Variants in STIM1 observed in about 807,000 individuals in gnomAD.
STIM1 encodes stromal interaction molecule 1.
In STIM1, 25 loss-of-function variants were observed where a neutral mutation model predicts 74.7. The ratio of observed to expected loss-of-function variants is 0.33; its 90% CI spans 0.24 to 0.47. The LOEUF (loss-of-function observed/expected upper bound fraction) is 0.47. Ranked by LOEUF, STIM1 falls within the 20% of genes least tolerant of loss-of-function variation. The pLI is 1.00. For missense variants in STIM1, 728 were observed against 920.8 expected (o/e 0.79, Z 2.71); for synonymous variants, 328 against 348.8 (o/e 0.94, Z 0.66).
chr11:4,027,746 A>G (rs1159234842), intron 3 of STIM1, among the ~76,000 whole-genome samples: 1 of 152,182 alleles, frequency 6.6e-6, no homozygotes, highest in Non-Finnish European at 1.5e-5. Flanking sequence ...ACAGATTTAA[A>G]TAGGGTGTTG....
At chr11:3,918,724 G>GGT (rs770857409) in intron 1 of STIM1, among the ~76,000 whole-genome samples, 2 of 152,056 alleles carry the variant, frequency 1.3e-5, no homozygotes, top group Non-Finnish European at 2.9e-5. Flanking sequence ...GGAACCCAGG[G>GGT]GTCAGGGTCA....
rs181906329 is a variant in STIM1 at position 3,892,778 on chromosome 11, C to T, written c.139+36369C>T. 5.1e-3 allele frequency: 8,151 copies of T among 1,613,044 alleles called. 24 individuals are homozygous for T. The highest frequency in any genetic ancestry group is 5.9e-3 in the Non-Finnish European group (6,940 of 1,178,972). ...TCCTTTCTCTCCAGTGCTCAGAGCA[C>T]GAAAGTTTTCTGCTGTCTTTGGAAC... On this transcript the variant is annotated intron_variant, in intron 1 of 12. Coordinates refer to ENST00000526596, the MANE Select transcript of STIM1 (RefSeq NM_001382567.1).
chr11:3,901,049 G>A (rs1294286439), intron 1 of STIM1, among the ~76,000 whole-genome samples: 1 of 152,152 alleles, frequency 6.6e-6, no homozygotes, highest in Non-Finnish European at 1.5e-5. Flanking sequence ...AAATTAGCCG[G>A]GCATGGTGGT....
chr11:3,991,950 CAAAAAAAAAAAAAAA>C (rs1230185435), intron 2 of STIM1, among the ~76,000 whole-genome samples: 4 of 36,702 alleles, frequency 1.1e-4, no homozygotes, highest in Non-Finnish European at 1.8e-4. Flanking sequence ...AACTCCATCT[CAAAAAAAAAAAAAAA>C]AAAAAAAGAA....
intron 1 of STIM1, chr11:3,888,112 G>A (rs1258869716): frequency 6.6e-6 from 1 of 152,376 alleles, no homozygotes; most frequent in Non-Finnish European, 1.5e-5. Context: ...GATGAAGCCT[G>A]GGAGGTGCCA....
At position 4,055,646 on chromosome 11, in the gene STIM1, G is replaced by C; in HGVS notation, c.497+9G>C. On this transcript the variant is annotated intron_variant, in intron 4 of 12. Coordinates refer to ENST00000526596, the MANE Select transcript of STIM1 (RefSeq NM_001382567.1). ...GGCCATGCCATGCCAAGGTCAGGAG[G>C]GGACTGGGTTTTTCTCTGTTGAGGG... The C allele has an allele frequency of 6.4e-7, 1 of 1,569,156 alleles. No homozygotes were observed. Among genetic ancestry groups the C allele is most frequent in the South Asian group, 1.2e-5 (1 of 85,436 alleles).
chr11:3,992,677 G>A (rs2093627333), intron 2 of STIM1, among the ~76,000 whole-genome samples: 1 of 152,136 alleles, frequency 6.6e-6, no homozygotes, highest in Non-Finnish European at 1.5e-5. Context: ...TTGAGGTCAT[G>A]TCTGAGAAAC....
chr11:4,040,358 ATGT>A (rs1479340814), intron 3 of STIM1, among the ~76,000 whole-genome samples: 1 of 152,140 alleles, frequency 6.6e-6, no homozygotes, highest in African/African-American at 2.4e-5. Context: ...TTCCTAGGAA[ATGT>A]TGTTCTTTTT....
chr11:4,023,484 G>C (rs2093974971), intron 2 of STIM1, among the ~76,000 whole-genome samples: 1 of 152,168 alleles, frequency 6.6e-6, no homozygotes, highest in Non-Finnish European at 1.5e-5. Context: ...GTGAAGATTT[G>C]ATGAGAAAAT....
chr11:4,042,532 A>G (rs2094156200), intron 3 of STIM1, among the ~76,000 whole-genome samples: 1 of 152,154 alleles, frequency 6.6e-6, no homozygotes, highest in South Asian at 2.1e-4. Context: ...CCTGGCAAGT[A>G]GTAGCTGCTC....
At chr11:3,987,804 G>GAC (rs55772228) in intron 2 of STIM1, among the ~76,000 whole-genome samples, 9,003 of 145,290 alleles carry the variant, frequency 0.062, 364 homozygotes, top group African/African-American at 0.12. Flanking sequence ...TGTCCTTAAG[G>GAC]ACACACACAC....
At chr11:4,083,056 A>G (rs2094473616) in intron 9 of STIM1, 74 bp downstream of exon 9, 6 of 1,360,126 alleles carry the variant, frequency 4.4e-6, no homozygotes, top group South Asian at 2.4e-5. Context: ...AGGGCCTCCA[A>G]CACCAATTCC....
chr11:4,034,680 G>A (rs75779715), intron 3 of STIM1, among the ~76,000 whole-genome samples: 14 of 152,270 alleles, frequency 9.2e-5, no homozygotes, highest in African/African-American at 3.4e-4. Context: ...AAGAGTTCAT[G>A]TAGAATTGGT....
chr11:4,012,978 A>G (rs1344124829), intron 2 of STIM1, among the ~76,000 whole-genome samples: 1 of 152,172 alleles, frequency 6.6e-6, no homozygotes, highest in African/African-American at 2.4e-5. Flanking sequence ...ATCTATTGAG[A>G]TAATCATGTG....
intron 2 of STIM1, chr11:3,973,838 T>G: frequency 2.6e-6 from 1 of 392,026 alleles, no homozygotes; most frequent in Non-Finnish European, 4.7e-6. Context: ...CTCAGCCTCT[T>G]GAATAGCTGG....
intron 3 of STIM1, among the ~76,000 whole-genome samples, chr11:4,039,518 A>G (rs2094130943): frequency 6.9e-6 from 1 of 144,048 alleles, no homozygotes; most frequent in African/African-American, 2.5e-5. Context: ...CCCAGGAGGC[A>G]GAGGTTGCAG....
intron 1 of STIM1, among the ~76,000 whole-genome samples, chr11:3,924,894 C>T (rs2092769085): frequency 6.6e-6 from 1 of 152,210 alleles, no homozygotes; most frequent in East Asian, 1.9e-4. Context: ...CCTTTACTGT[C>T]CCTTGAAAGA....
At chr11:3,967,783 C>A in intron 2 of STIM1, 101 bp downstream of exon 2, 2 of 1,550,302 alleles carry the variant, frequency 1.3e-6, no homozygotes, top group Non-Finnish European at 1.8e-6. Flanking sequence ...ATGTTCTCTG[C>A]TGGCTTGTTC....
chr11:4,006,994 C>G (rs2093788621), intron 2 of STIM1, among the ~76,000 whole-genome samples: 1 of 152,178 alleles, frequency 6.6e-6, no homozygotes, highest in South Asian at 2.1e-4. Context: ...TCTGGTGGAT[C>G]AAGCTGGCTG....
Sources: allele counts gnomAD v4.1 joint callset (sites outside exome capture counted in the v4.1 genomes callset), GRCh38; gene constraint gnomAD v4.1.1; transcripts MANE v1.5; gene names NCBI Gene and HGNC (gene_info 2026-07-23, HGNC 2026-07-21).